The following KDM1A variants were observed in gnomAD, a reference collection of about 807,000 sequenced individuals.
KDM1A encodes lysine demethylase 1A.
Under a neutral mutation model 109.4 loss-of-function variants are expected in KDM1A, and 49 were observed. That is an observed-to-expected ratio of 0.45 (90% CI 0.36 to 0.57). KDM1A has a LOEUF of 0.57. Ranked by LOEUF, KDM1A falls within the 20% of genes least tolerant of loss-of-function variation. The probability of loss-of-function intolerance (pLI) is 0.00; values close to 1 mark genes in which losing one functional copy is unlikely to be tolerated. For missense variants in KDM1A, 668 were observed against 1,116.6 expected (o/e 0.60, Z 5.73); for synonymous variants, 380 against 415.4 (o/e 0.91, Z 1.04).
At chr1:23,029,798 C>T (rs1641922016) in intron 1 of KDM1A, among the ~76,000 whole-genome samples, 1 of 152,166 alleles carries the variant, frequency 6.6e-6, no homozygotes, top group Non-Finnish European at 1.5e-5. Context: ...TGCCAACACA[C>T]CCAGCTAATT....
At chr1:23,021,996 A>G (rs564508188) in intron 1 of KDM1A, among the ~76,000 whole-genome samples, 2 of 152,170 alleles carry the variant, frequency 1.3e-5, no homozygotes, top group Non-Finnish European at 2.9e-5. Context: ...GCTTTCATTC[A>G]GTACTTGATA....
chr1:23,079,559 TTG>T lies in KDM1A; in HGVS notation c.2066_2067del (p.Cys689PhefsTer2), dbSNP rs771234701. On this transcript the variant is annotated frameshift_variant, in exon 18 of 21. Transcript: ENST00000400181. LOFTEE classifies it high-confidence loss of function. The surrounding 1 kb of genome is among the most constrained non-coding windows in gnomAD (Gnocchi z 5.6). ...MGFGNLNKVV[L>X]CFDRVFWDPS... is the part of the protein sequence containing the mutation. The stretch of plus-strand genomic sequence containing the variant: ...TGCTTCTTTCTTATGGTAGGTGGTG[TTG>T]TGTTTTGATCGGGTGTTCTGGGATC... The T allele has an allele frequency of 6.2e-7, 1 of 1,613,054 alleles. No individual in the cohort carries two copies. The highest frequency in any genetic ancestry group is 8.5e-7 in the Non-Finnish European group (1 of 1,179,472).
At chr1:23,053,034 C>T (rs930327656) in intron 4 of KDM1A, among the ~76,000 whole-genome samples, 1 of 152,164 alleles carries the variant, frequency 6.6e-6, no homozygotes, top group Non-Finnish European at 1.5e-5. Context: ...CAGTGTCTGG[C>T]GTACCAACTC....
chr1:23,034,150 A>G (rs994458698), intron 2 of KDM1A, among the ~76,000 whole-genome samples: 2 of 152,048 alleles, frequency 1.3e-5, no homozygotes, highest in African/African-American at 4.8e-5. Context: ...TAAATAATGG[A>G]TTTTTCATAC....
At position 23,066,074 on chromosome 1, in the gene KDM1A, A is replaced by AT; in HGVS notation, c.1179+10dup. On this transcript the variant is annotated splice_donor_region_variant and intron_variant, in intron 10 of 20. Transcript: ENST00000400181. ...CTGGTTAAAAGGACACTGTCAAGGT[A>AT]TTTTTTTCATAATTTTTCAAATCAT... The AT allele has an allele frequency of 1.9e-6, 3 of 1,577,576 alleles. No homozygotes were observed. The highest frequency in any genetic ancestry group is 1.7e-6 in the Non-Finnish European group (2 of 1,148,070).
chr1:23,029,648 T>C (rs1178706008), intron 1 of KDM1A, among the ~76,000 whole-genome samples: 1 of 152,146 alleles, frequency 6.6e-6, no homozygotes, highest in Admixed American at 6.5e-5. Context: ...TTTTTATTTT[T>C]ATTTTTTTTG....
chr1:23,039,957 CAATT>C (rs1255414946), intron 2 of KDM1A, among the ~76,000 whole-genome samples: 1 of 152,160 alleles, frequency 6.6e-6, no homozygotes, highest in African/African-American at 2.4e-5. Context: ...ATAAGAAACT[CAATT>C]AGTGCGTTAA....
rs769982722 is a variant in KDM1A, at chr1:23,052,053, TTTTG to T, written c.711+1545_711+1548del. 5.3e-5 allele frequency among the ~76,000 whole-genome samples: 8 copies of T among 152,328 alleles called. No individual in the cohort carries two copies. The East Asian group carries it at 5.8e-4, about 11-fold the overall frequency. Reference sequence around the variant, plus strand: ...TTTTTTTTAGACAAAATTGTCATTTTTTTGTTTGTTTGTTTTATCTGAAGAGAGT... The same window carrying T: ...TTTTTTTTAGACAAAATTGTCATTTTTTTGTTTGTTTTATCTGAAGAGAGT... On this transcript the variant is annotated intron_variant, in intron 4 of 20. Coordinates refer to ENST00000400181, the MANE Select transcript of KDM1A (RefSeq NM_001009999.3).
At chr1:23,026,238 A>G (rs992330086) in intron 1 of KDM1A, among the ~76,000 whole-genome samples, 7 of 152,246 alleles carry the variant, frequency 4.6e-5, no homozygotes, top group Non-Finnish European at 7.3e-5. Context: ...TTTGCCGTAG[A>G]TAAAAGGGAG....
chr1:23,020,894 G>T (rs60638944), intron 1 of KDM1A, among the ~76,000 whole-genome samples: 1 of 152,326 alleles, frequency 6.6e-6, no homozygotes, highest in African/African-American at 2.4e-5. Flanking sequence ...GACACTGTGT[G>T]CAGGGCACTG....
In KDM1A at chr1:23,081,327, G is replaced by T. The variant is rs148974861; in HGVS notation, c.2171-119G>T. On this transcript the variant is annotated intron_variant, in intron 18 of 20. Coordinates refer to ENST00000400181, the MANE Select transcript of KDM1A (RefSeq NM_001009999.3). ...TAATCTGTCTCTTCGCATTTGAATGGTACTGCGTGTGTCTTGTCATCAGAT... is the reference window on the plus strand; with the variant it reads ...TAATCTGTCTCTTCGCATTTGAATGTTACTGCGTGTGTCTTGTCATCAGAT... The T allele has an allele frequency of 1.9e-4, 215 of 1,128,080 alleles. 3 individuals are homozygous for T. The East Asian group carries it at 4.7e-3, about 25-fold the overall frequency. The allele number at this position is 1,128,080 out of a possible 1,614,324, so 69.9% of individuals were successfully genotyped here. A position where few individuals can be genotyped will look rare whatever the true frequency, so the allele number is the denominator to read the frequency against.
chr1:23,076,657 A>G (rs1403643194), intron 15 of KDM1A, among the ~76,000 whole-genome samples: 2 of 152,038 alleles, frequency 1.3e-5, no homozygotes, highest in Non-Finnish European at 2.9e-5. Flanking sequence ...ACTTAGTGGT[A>G]TTGGACTGGA....
At chr1:23,023,059 A>G (rs1641690776) in intron 1 of KDM1A, among the ~76,000 whole-genome samples, 1 of 152,156 alleles carries the variant, frequency 6.6e-6, no homozygotes, top group African/African-American at 2.4e-5. Flanking sequence ...CAGTTCCCTA[A>G]TGACTAATGA....
intron 3 of KDM1A, among the ~76,000 whole-genome samples, 171 bp from the exon 4 acceptor site, chr1:23,050,216 A>C (rs925063701): frequency 1.3e-5 from 2 of 152,228 alleles, no homozygotes. Context: ...AAACTTTGGA[A>C]TGTTAAGCTC....
chr1:23,029,298 C>G lies in KDM1A; in HGVS notation c.352-1171C>G, dbSNP rs191809991. On this transcript the variant is annotated intron_variant, in intron 1 of 20. Transcript: ENST00000400181. ...AACCATGTTGTCTTTGCTTTTTTTC[C>G]ACATCTAATAAATTATCTTTTCATG... 7.5e-4 allele frequency among the ~76,000 whole-genome samples: 114 copies of G among 152,028 alleles called. 1 individual carries two copies. The highest frequency in any genetic ancestry group is 6.4e-3 in the Admixed American group (98 of 15,264).
intron 3 of KDM1A, among the ~76,000 whole-genome samples, chr1:23,048,645 A>G (rs1451964111): frequency 6.6e-6 from 1 of 151,940 alleles, no homozygotes; most frequent in Non-Finnish European, 1.5e-5. Context: ...TTTTTGCTTG[A>G]CCACTTGTTA....
intron 2 of KDM1A, among the ~76,000 whole-genome samples, chr1:23,032,993 G>A (rs961217641): frequency 2.6e-5 from 4 of 152,092 alleles, no homozygotes; most frequent in African/African-American, 7.2e-5. Flanking sequence ...CCTGCCTCCC[G>A]GGTTAAGCAA....
chr1:23,054,114 C>T (rs190695652), intron 5 of KDM1A, among the ~76,000 whole-genome samples: 5 of 152,256 alleles, frequency 3.3e-5, no homozygotes, highest in African/African-American at 4.8e-5. Flanking sequence ...AATACTTCGG[C>T]GCTTCATGGC....
intron 2 of KDM1A, among the ~76,000 whole-genome samples, chr1:23,036,444 G>GCCCCCCCCCCCCCCCCCCCCCCA (rs5773033): frequency 2.5e-5 from 3 of 121,592 alleles, no homozygotes; most frequent in Non-Finnish European, 5.1e-5. Flanking sequence ...TTCTTGCCAC[G>GCCCCCCCCCCCCCCCCCCCCCCA]CCCCCCCCCT....
Sources: gnomAD v4.1 joint callset for allele counts (sites outside exome capture counted in the v4.1 genomes callset) on GRCh38, gnomAD v4.1.1 for gene constraint, Gnocchi (gnomAD v3.1) non-coding constraint, MANE v1.5 for transcripts, NCBI Gene and HGNC (gene_info 2026-07-23, HGNC 2026-07-21) for gene names.